NCKAP5: variants seen among roughly 807,000 people sequenced by gnomAD.
NCKAP5 encodes nck-associated protein 5.
In NCKAP5, 92 loss-of-function variants were observed where a neutral mutation model predicts 167.0. The observed-to-expected ratio is 0.55, with a 90% CI of 0.47 to 0.66. NCKAP5 has a LOEUF of 0.66. NCKAP5 is among the 30% of genes least tolerant of loss of function. The pLI is 0.00. For synonymous variants in NCKAP5, 891 were observed against 877.4 expected (o/e 1.02, Z -0.27); for missense variants, 2,378 against 2,315.0 (o/e 1.03, Z -0.56).
chr2:133,142,882 G>T (rs1352998191), intron 5 of NCKAP5, among the ~76,000 whole-genome samples: 3 of 152,152 alleles, frequency 2.0e-5, no homozygotes, highest in Middle Eastern at 3.4e-3. Flanking sequence ...TTTGCATTTG[G>T]ACCAGTTAGA....
chr2:133,186,269 T>C (rs1406230270), intron 5 of NCKAP5, among the ~76,000 whole-genome samples: 1 of 152,112 alleles, frequency 6.6e-6, no homozygotes, highest in African/African-American at 2.4e-5. Context: ...ATTGATTTGC[T>C]TATGTTGAAC....
At chr2:133,056,484 G>T (rs1466556696) in intron 6 of NCKAP5, among the ~76,000 whole-genome samples, 1 of 151,812 alleles carries the variant, frequency 6.6e-6, no homozygotes, top group African/African-American at 2.4e-5. Context: ...ATGCTGATTT[G>T]CTTCTCTTAC....
At chr2:132,744,620 T>C (rs1173180254) in intron 16 of NCKAP5, among the ~76,000 whole-genome samples, 1 of 142,566 alleles carries the variant, frequency 7.0e-6, no homozygotes, top group Non-Finnish European at 1.5e-5. Context: ...AAATGAGAGC[T>C]GAAATTAAGA....
the NCKAP5 span, among the ~76,000 whole-genome samples, chr2:133,628,619 A>G: frequency 5.3e-5 from 8 of 152,220 alleles, no homozygotes; most frequent in African/African-American, 1.9e-4. Context: ...GACATTCTTC[A>G]CAGAATTAGA....
At chr2:133,087,622 T>C (rs186475792) in intron 6 of NCKAP5, among the ~76,000 whole-genome samples, 14 of 152,338 alleles carry the variant, frequency 9.2e-5, no homozygotes, top group African/African-American at 3.1e-4. Flanking sequence ...GTGCTAGCCA[T>C]TTATTTTGAC....
At chr2:133,312,870 C>T (rs1315657800) in intron 3 of NCKAP5, among the ~76,000 whole-genome samples, 3 of 152,136 alleles carry the variant, frequency 2.0e-5, no homozygotes, top group South Asian at 2.1e-4. Flanking sequence ...CTCTATATTA[C>T]TTTATTGATT....
At chr2:132,696,758 GT>G (rs1252831518) in intron 19 of NCKAP5, among the ~76,000 whole-genome samples, 2 of 152,172 alleles carry the variant, frequency 1.3e-5, no homozygotes, top group Admixed American at 1.3e-4. Context: ...TAAACTCACA[GT>G]TTACATCTTT....
rs527932205 is a variant in NCKAP5, at chr2:133,531,245, CTTA to C, written c.-61-13661_-61-13659del. The stretch of plus-strand genomic sequence containing the variant: ...AAATTAATAAATATTTTATTAATAA[CTTA>C]TTTATTAATAGTTATTGCATTAATA... On this transcript the variant is annotated intron_variant, in intron 2 of 19. Transcript: ENST00000409261. Among the ~76,000 whole-genome samples the C allele has an allele frequency of 2.4e-3, 365 of 152,116 alleles. 1 individual carries two copies. Among genetic ancestry groups the C allele is most frequent in the African/African-American group, 8.0e-3 (330 of 41,508 alleles).
intron 6 of NCKAP5, among the ~76,000 whole-genome samples, chr2:133,023,625 G>A (rs2078603072): frequency 6.6e-6 from 1 of 152,098 alleles, no homozygotes; most frequent in Non-Finnish European, 1.5e-5. Flanking sequence ...GTAGTTTCCA[G>A]GGTCTATTAT....
At chr2:133,186,995 A>G (rs1194656685) in intron 5 of NCKAP5, among the ~76,000 whole-genome samples, 1 of 151,886 alleles carries the variant, frequency 6.6e-6, no homozygotes, top group Admixed American at 6.6e-5. Flanking sequence ...TTCCTCTGCA[A>G]GCTTCGGGTT....
intron 6 of NCKAP5, among the ~76,000 whole-genome samples, chr2:133,038,383 C>T (rs886381498): frequency 2.6e-5 from 4 of 152,058 alleles, no homozygotes; most frequent in East Asian, 1.9e-4. Flanking sequence ...AGACAAACAT[C>T]GCATGTTTTC....
intron 16 of NCKAP5, among the ~76,000 whole-genome samples, chr2:132,733,830 G>T (rs534316599): frequency 6.6e-6 from 1 of 152,348 alleles, no homozygotes. Flanking sequence ...AATGTGTACA[G>T]AGTTGGCTTT....
chr2:133,476,969 A>G (rs1192809397), intron 3 of NCKAP5, among the ~76,000 whole-genome samples: 1 of 152,304 alleles, frequency 6.6e-6, no homozygotes, highest in East Asian at 1.9e-4. Flanking sequence ...GAAATGACCC[A>G]GGCTACCACA....
In NCKAP5 at chr2:132,878,873, T is replaced by A; in HGVS notation, c.623A>T (p.Glu208Val). 1 of 1,613,752 alleles carries A rather than the reference T, an allele frequency of 6.2e-7. No homozygotes were observed. Among genetic ancestry groups the A allele is most frequent in the Non-Finnish European group, 8.5e-7 (1 of 1,179,660 alleles). Residue 208 changes from glutamate to valine, a missense_variant, in exon 9 of 20, where the codon GAA becomes GTA. Glu to Val is a moderately radical substitution (Grantham distance 121). This residue lies in a region of NCKAP5 where 1,049 missense variants were observed against 1,023.4 expected (regional missense o/e 1.02). Transcript: ENST00000409261. ...ALALENENQR[E>V]QYERCLDEVA... ...CTCATCAAGACATCGCTCATATTGT[T>A]CCCTTTGATTTTCATTCTCCAAAGC... is the stretch of plus-strand genomic sequence containing the variant.
intron 3 of NCKAP5, among the ~76,000 whole-genome samples, chr2:133,425,881 C>T (rs1689760600): frequency 6.6e-6 from 1 of 152,088 alleles, no homozygotes; most frequent in African/African-American, 2.4e-5. Context: ...ACAAAGAAAA[C>T]ACTGAAAATT....
intron 6 of NCKAP5, among the ~76,000 whole-genome samples, chr2:133,010,766 A>G (rs1341882623): frequency 2.1e-4 from 32 of 152,210 alleles, no homozygotes; most frequent in Non-Finnish European, 1.5e-5. Flanking sequence ...ACAAGCTTTT[A>G]TACAGCACTT....
At chr2:133,562,834 G>A (rs556502429) in intron 1 of NCKAP5, among the ~76,000 whole-genome samples, 2 of 152,314 alleles carry the variant, frequency 1.3e-5, no homozygotes, top group Admixed American at 6.5e-5. Flanking sequence ...AAACTGACAC[G>A]ATACACTTCA....
chr2:132,773,272 C>T (rs752451492), intron 16 of NCKAP5, among the ~76,000 whole-genome samples: 6 of 152,110 alleles, frequency 3.9e-5, no homozygotes, highest in South Asian at 2.1e-4. Context: ...AAAGTTCCTG[C>T]GTGCTGGGAA....
intron 3 of NCKAP5, among the ~76,000 whole-genome samples, chr2:133,338,083 T>C (rs1181573559): frequency 6.6e-6 from 1 of 152,196 alleles, no homozygotes; most frequent in African/African-American, 2.4e-5. Flanking sequence ...TTAAAGAGCA[T>C]GATTGAAGGA....
Sources: gnomAD v4.1 joint callset for allele counts (sites outside exome capture counted in the v4.1 genomes callset) on GRCh38, gnomAD v4.1.1 for gene constraint, gnomAD v4.1.1 regional missense constraint, MANE v1.5 for transcripts, NCBI Gene and HGNC (gene_info 2026-07-23, HGNC 2026-07-21) for gene names.